The following SEZ6L variants were observed in gnomAD, a reference collection of about 807,000 sequenced individuals.
SEZ6L encodes seizure related 6 homolog like, also known as seizure 6-like protein.
Under a neutral mutation model 106.2 loss-of-function variants are expected in SEZ6L, and 37 were observed. The observed-to-expected ratio is 0.35, with a 90% CI of 0.27 to 0.46. SEZ6L has a LOEUF of 0.46. SEZ6L is among the 20% of genes least tolerant of loss of function. SEZ6L has a pLI of 1.00. For missense variants in SEZ6L, 1,172 were observed against 1,332.8 expected, an observed-to-expected ratio of 0.88 and a Z score of 1.88; for synonymous variants, 541 against 570.4, an observed-to-expected ratio of 0.95 and a Z score of 0.73.
At chr22:26,242,546 T>A (rs1465481641) in intron 1 of SEZ6L, among the ~76,000 whole-genome samples, 2 of 152,192 alleles carry the variant, frequency 1.3e-5, no homozygotes, top group African/African-American at 4.8e-5. Context: ...GAACCACGAC[T>A]ATTGATACCC....
chr22:26,185,108 G>T (rs1939682361), intron 1 of SEZ6L, among the ~76,000 whole-genome samples: 1 of 152,118 alleles, frequency 6.6e-6, no homozygotes. Context: ...AAACAAATCT[G>T]TGATAGTAAA....
At chr22:26,299,952 C>G (rs1342656232) in intron 5 of SEZ6L, among the ~76,000 whole-genome samples, 1 of 152,232 alleles carries the variant, frequency 6.6e-6, no homozygotes, top group Non-Finnish European at 1.5e-5. Context: ...AGCAATGTGA[C>G]AGTACCAGTG....
At chr22:26,263,792 C>T (rs1246223451) in intron 1 of SEZ6L, among the ~76,000 whole-genome samples, 1 of 152,210 alleles carries the variant, frequency 6.6e-6, no homozygotes, top group Non-Finnish European at 1.5e-5. Flanking sequence ...TTGATCTCTT[C>T]CTTCTCTCAG....
chr22:26,294,594 C>A (rs1486901825), intron 3 of SEZ6L, among the ~76,000 whole-genome samples, 169 bp downstream of exon 3: 1 of 152,144 alleles, frequency 6.6e-6, no homozygotes, highest in Non-Finnish European at 1.5e-5. Context: ...TAACTCAATG[C>A]TTTGCTAAAA....
rs201832268 is a variant in SEZ6L, at chr22:26,241,725, T to TC, written c.95-50681_95-50680insC. Among the ~76,000 whole-genome samples the TC allele has an allele frequency of 5.6e-3, 848 of 152,226 alleles. 34 individuals are homozygous for TC. The East Asian group carries it at 0.097, about 17-fold the overall frequency. On this transcript the variant is annotated intron_variant, in intron 1 of 16. Transcript: ENST00000248933. Reference sequence around the variant, plus strand: ...TTCATTACATTTTAAAAACAAACACTTCTAAAATTCCCTTAAATATAGCTT... The same window carrying TC: ...TTCATTACATTTTAAAAACAAACACTCTCTAAAATTCCCTTAAATATAGCTT...
At chr22:26,318,881 GA>G (rs1214450977) in intron 9 of SEZ6L, among the ~76,000 whole-genome samples, 2 of 152,086 alleles carry the variant, frequency 1.3e-5, no homozygotes, top group East Asian at 3.9e-4. Context: ...ATCAAACAAC[GA>G]CAAAACAGAA....
At chr22:26,350,777 C>T (rs1355814215) in intron 11 of SEZ6L, among the ~76,000 whole-genome samples, 2 of 151,954 alleles carry the variant, frequency 1.3e-5, no homozygotes, top group African/African-American at 2.4e-5. Flanking sequence ...CTGCTTCAGC[C>T]TCCCGAGTAG....
chr22:26,366,320 C>G (rs138642855), intron 13 of SEZ6L, among the ~76,000 whole-genome samples: 1 of 149,926 alleles, frequency 6.7e-6, no homozygotes, highest in African/African-American at 2.5e-5. Flanking sequence ...GGTGACACAG[C>G]GAGATTCTAT....
intron 1 of SEZ6L, among the ~76,000 whole-genome samples, chr22:26,192,416 G>C (rs1221499819): frequency 6.6e-6 from 1 of 152,098 alleles, no homozygotes; most frequent in African/African-American, 2.4e-5. Flanking sequence ...AAACTATATT[G>C]TTACCAGTAA....
At chr22:26,217,431 C>T (rs2145716235) in intron 1 of SEZ6L, among the ~76,000 whole-genome samples, 1 of 152,338 alleles carries the variant, frequency 6.6e-6, no homozygotes, top group Non-Finnish European at 1.5e-5. Context: ...CTGCTGTTCC[C>T]TCTTCCTAAA....
intron 1 of SEZ6L, among the ~76,000 whole-genome samples, chr22:26,261,826 A>T (rs1167814817): frequency 6.6e-6 from 1 of 152,186 alleles, no homozygotes; most frequent in Non-Finnish European, 1.5e-5. Context: ...TGGTTCAGGC[A>T]AAATTGATAC....
At chr22:26,185,278 A>C (rs952147222) in intron 1 of SEZ6L, among the ~76,000 whole-genome samples, 2 of 152,218 alleles carry the variant, frequency 1.3e-5, no homozygotes, top group African/African-American at 4.8e-5. Context: ...CCACAGCCAG[A>C]CACCTTGATC....
At chr22:26,335,727 C>T (rs2082624790) in intron 9 of SEZ6L, among the ~76,000 whole-genome samples, 1 of 152,210 alleles carries the variant, frequency 6.6e-6, no homozygotes, top group East Asian at 1.9e-4. Flanking sequence ...GGGATGCTCA[C>T]TGTCAATATC....
intron 5 of SEZ6L, among the ~76,000 whole-genome samples, chr22:26,305,312 A>G (rs2081596770): frequency 6.6e-6 from 1 of 152,168 alleles, no homozygotes; most frequent in Non-Finnish European, 1.5e-5. Flanking sequence ...TTTTCTTATT[A>G]TAATTATCCA....
At chr22:26,289,083 C>G (rs899438977) in intron 1 of SEZ6L, among the ~76,000 whole-genome samples, 1 of 152,178 alleles carries the variant, frequency 6.6e-6, no homozygotes, top group Non-Finnish European at 1.5e-5. Flanking sequence ...GTCTGGCTGC[C>G]CATTTGACAC....
At chr22:26,332,148 T>A (rs1327794465) in intron 9 of SEZ6L, among the ~76,000 whole-genome samples, 1 of 15,066 alleles carries the variant, frequency 6.6e-5, no homozygotes, top group African/African-American at 2.5e-4. Context: ...ATTTTCAATG[T>A]TTTTTTTTTT....
At chr22:26,280,341 C>G (rs2080722434) in intron 1 of SEZ6L, among the ~76,000 whole-genome samples, 1 of 151,984 alleles carries the variant, frequency 6.6e-6, no homozygotes, top group South Asian at 2.1e-4. Flanking sequence ...ATCTTTATTC[C>G]TCATCATTCT....
At chr22:26,293,355 G>C (rs987813124) in intron 2 of SEZ6L, among the ~76,000 whole-genome samples, 1 of 152,200 alleles carries the variant, frequency 6.6e-6, no homozygotes, top group African/African-American at 2.4e-5. Flanking sequence ...TTTAGCAAAG[G>C]GGTCTTGATC....
intron 12 of SEZ6L, among the ~76,000 whole-genome samples, chr22:26,358,298 C>T (rs970744116): frequency 9.2e-5 from 14 of 152,202 alleles, no homozygotes; most frequent in African/African-American, 3.1e-4. Flanking sequence ...GTTTGTACCC[C>T]AGCCCTGCCT....
Sources: gnomAD v4.1 joint callset for allele counts (sites outside exome capture counted in the v4.1 genomes callset) on GRCh38, gnomAD v4.1.1 for gene constraint, MANE v1.5 for transcripts, NCBI Gene and HGNC (gene_info 2026-07-23, HGNC 2026-07-21) for gene names.